CNTN6: variants seen among roughly 807,000 people sequenced by gnomAD.
The protein encoded by CNTN6 is contactin-6.
CNTN6 carries 137 observed loss-of-function variants against 122.8 expected under a neutral mutation model. That is an observed-to-expected ratio of 1.12 (90% CI 0.97 to 1.29). The LOEUF (loss-of-function observed/expected upper bound fraction) is 1.29. CNTN6 is among the 50% of genes most tolerant of loss of function. The probability of loss-of-function intolerance (pLI) is 0.00; values close to 1 mark genes in which losing one functional copy is unlikely to be tolerated. For missense variants in CNTN6, 1,634 were observed against 1,223.4 expected (o/e 1.34, Z -5.01); for synonymous variants, 570 against 426.0 (o/e 1.34, Z -4.16).
chr3:1,254,849 G>GA (rs1199782330), intron 4 of CNTN6, among the ~76,000 whole-genome samples: 4 of 151,966 alleles, frequency 2.6e-5, no homozygotes, highest in East Asian at 1.9e-4. Flanking sequence ...AACAAAGCAT[G>GA]AAAAAAACCC....
intron 16 of CNTN6, among the ~76,000 whole-genome samples, chr3:1,375,244 T>A (rs1709691915): frequency 6.6e-6 from 1 of 152,068 alleles, no homozygotes; most frequent in Non-Finnish European, 1.5e-5. Context: ...TTTTGGTAGC[T>A]TTGGACAGGG....
At chr3:1,167,247 A>G (rs945937144) in intron 2 of CNTN6, among the ~76,000 whole-genome samples, 4 of 152,138 alleles carry the variant, frequency 2.6e-5, no homozygotes, top group Non-Finnish European at 5.9e-5. Context: ...TCTGTCTTAC[A>G]TACTGCATGA....
intron 4 of CNTN6, among the ~76,000 whole-genome samples, chr3:1,245,110 C>T (rs149259952): frequency 7.1e-6 from 1 of 140,980 alleles, no homozygotes; most frequent in African/African-American, 2.7e-5. Context: ...TTTGCACACA[C>T]GTGTTTATAT....
intron 1 of CNTN6, among the ~76,000 whole-genome samples, chr3:1,141,951 T>C (rs1354696922): frequency 6.6e-6 from 1 of 152,100 alleles, no homozygotes; most frequent in Non-Finnish European, 1.5e-5. Flanking sequence ...AAAATAAAGT[T>C]GGAAAACTCC....
chr3:1,381,630 C>T lies in CNTN6; in HGVS notation c.2167-1312C>T, dbSNP rs187465603. 1.9e-3 allele frequency among the ~76,000 whole-genome samples: 290 copies of T among 152,288 alleles called. 3 individuals carry two copies. Among genetic ancestry groups the T allele is most frequent in the South Asian group, 0.015 (73 of 4,826 alleles). The stretch of plus-strand genomic sequence containing the variant: ...GCCCCGGCTTGAATAGTCTCTCATG[C>T]TTATGCCTCAGTTCCTCCCATTTCC... On this transcript the variant is annotated intron_variant, in intron 17 of 22. Coordinates refer to ENST00000446702, the MANE Select transcript of CNTN6 (RefSeq NM_001289080.2).
intron 2 of CNTN6, among the ~76,000 whole-genome samples, chr3:1,161,892 G>T (rs913999892): frequency 6.6e-6 from 1 of 151,004 alleles, no homozygotes; most frequent in Non-Finnish European, 1.5e-5. Flanking sequence ...TAATTGTTTT[G>T]TCTATTTTAG....
At chr3:1,297,025 T>G (rs1324726163) in intron 6 of CNTN6, among the ~76,000 whole-genome samples, 1 of 152,088 alleles carries the variant, frequency 6.6e-6, no homozygotes, top group East Asian at 1.9e-4. Context: ...AAATATCAGA[T>G]GTCAAGAAAG....
chr3:1,264,017 CATT>C (rs1402232669), intron 4 of CNTN6, among the ~76,000 whole-genome samples: 1 of 151,692 alleles, frequency 6.6e-6, no homozygotes, highest in Non-Finnish European at 1.5e-5. Context: ...GGAAGAAACT[CATT>C]ATGTTCCGAA....
intron 12 of CNTN6, among the ~76,000 whole-genome samples, chr3:1,364,027 A>C (rs1707852905): frequency 6.6e-6 from 1 of 151,902 alleles, no homozygotes; most frequent in East Asian, 1.9e-4. Flanking sequence ...GCACATTTTC[A>C]CATACCTATT....
chr3:1,301,855 T>C (rs560775044), intron 7 of CNTN6, among the ~76,000 whole-genome samples: 1 of 152,320 alleles, frequency 6.6e-6, no homozygotes, highest in African/African-American at 2.4e-5. Context: ...TTGGAAAACT[T>C]ACAAATGTGA....
chr3:1,257,887 A>C (rs3772334), intron 4 of CNTN6, among the ~76,000 whole-genome samples: 57,658 of 151,756 alleles, frequency 0.38, 11,758 homozygotes, highest in East Asian at 0.71. Context: ...TTCTTCCTGT[A>C]AATAGGTCAG....
intron 2 of CNTN6, among the ~76,000 whole-genome samples, chr3:1,154,791 T>C (rs936746438): frequency 9.9e-5 from 15 of 152,170 alleles, no homozygotes; most frequent in Admixed American, 5.9e-4. Flanking sequence ...CTCCAGATGC[T>C]TAAAATCAAA....
At chr3:1,303,502 C>G (rs1280989083) in intron 7 of CNTN6, among the ~76,000 whole-genome samples, 1 of 152,168 alleles carries the variant, frequency 6.6e-6, no homozygotes, top group African/African-American at 2.4e-5. Flanking sequence ...TTTATCTCCA[C>G]TCTTGCCCTT....
intron 12 of CNTN6, among the ~76,000 whole-genome samples, chr3:1,358,567 C>T (rs1157031230): frequency 6.6e-6 from 1 of 151,708 alleles, no homozygotes; most frequent in African/African-American, 2.4e-5. Context: ...AAGTAGTTAC[C>T]AAATGCTTTC....
intron 4 of CNTN6, among the ~76,000 whole-genome samples, chr3:1,240,283 A>G (rs1276100583): frequency 6.6e-6 from 1 of 152,186 alleles, no homozygotes; most frequent in East Asian, 1.9e-4. Flanking sequence ...CCAACGAATG[A>G]CTGATATCGA....
intron 1 of CNTN6, among the ~76,000 whole-genome samples, chr3:1,107,183 A>G (rs1365179932): frequency 2.6e-5 from 4 of 152,164 alleles, no homozygotes; most frequent in Non-Finnish European, 5.9e-5. Flanking sequence ...AAGTTGACAC[A>G]TAAATGTAAT....
At chr3:1,191,412 C>A (rs2093700301) in intron 2 of CNTN6, among the ~76,000 whole-genome samples, 1 of 152,102 alleles carries the variant, frequency 6.6e-6, no homozygotes. Context: ...GAAGCCTCAA[C>A]ACCAGTCCCT....
chr3:1,159,919 C>G (rs1001635086), intron 2 of CNTN6, among the ~76,000 whole-genome samples: 6 of 152,084 alleles, frequency 3.9e-5, no homozygotes, highest in African/African-American at 1.2e-4. Context: ...CTCCCAGGTT[C>G]AAGCAATTCT....
At position 1,286,312 on chromosome 3, in the gene CNTN6, A is replaced by G. The variant is rs564483452; in HGVS notation, c.454+7804A>G. Among the ~76,000 whole-genome samples, 4 of 152,238 alleles carry G rather than the reference A, an allele frequency of 2.6e-5. No homozygotes were observed. The East Asian group carries it at 7.7e-4, about 29-fold the overall frequency. ...TGCTGCACCCATCAACCGGCCATCT[A>G]CATTAGGTTTTTCTCCTAATGCTAT... On this transcript the variant is annotated intron_variant, in intron 5 of 22. Transcript: ENST00000446702.
Sources: allele counts gnomAD v4.1 joint callset (sites outside exome capture counted in the v4.1 genomes callset), GRCh38; gene constraint gnomAD v4.1.1; transcripts MANE v1.5; gene names NCBI Gene and HGNC (gene_info 2026-07-23, HGNC 2026-07-21).